Variants in MAEL observed in about 807,000 individuals in gnomAD.
The protein encoded by MAEL is maelstrom spermatogenic transposon silencer.
A neutral mutation model predicts 62.0 loss-of-function variants in MAEL; 46 were observed. The ratio of observed to expected loss-of-function variants is 0.74; its 90% CI spans 0.59 to 0.95. MAEL has a LOEUF of 0.95. MAEL is among the 40% of genes least tolerant of loss of function. The probability of loss-of-function intolerance (pLI) is 0.00; values close to 1 mark genes in which losing one functional copy is unlikely to be tolerated. For synonymous variants in MAEL, 172 were observed against 175.5 expected (o/e 0.98, Z 0.16); for missense variants, 497 against 526.8 (o/e 0.94, Z 0.55).
Position 167,021,674 on chromosome 1 carries a change from A to C in MAEL, c.1124A>C (p.Tyr375Ser), listed in dbSNP as rs769282848. Residue 375 changes from tyrosine (Y) to serine (S), a missense_variant, in exon 12 of 12, where the codon TAC becomes TCC. Coordinates refer to ENST00000367872, the MANE Select transcript of MAEL (RefSeq NM_032858.3). ...TGTATTTTCAATATCCTAGGTGACT[A>C]CCCATCTAGGGCAAAAATTTCTGGC... Reference protein sequence around the residue: ...EQRSNTPIGDYPSRAKISGQN... With the variant: ...EQRSNTPIGDSPSRAKISGQN... 6.3e-7 allele frequency: 1 copy of C among 1,598,754 alleles called. No homozygotes were observed. The highest frequency in any genetic ancestry group is 1.3e-5 in the African/African-American group (1 of 74,090).
At chr1:166,995,827 A>C (rs1358860113) in intron 5 of MAEL, among the ~76,000 whole-genome samples, 2 of 152,202 alleles carry the variant, frequency 1.3e-5, no homozygotes, top group Non-Finnish European at 2.9e-5. Flanking sequence ...TCACTGGCTT[A>C]CTGTTCCTTT....
intron 6 of MAEL, 75 bp from the exon 7 acceptor site, chr1:167,005,001 C>G: frequency 7.1e-7 from 1 of 1,407,632 alleles, no homozygotes; most frequent in East Asian, 2.4e-5. Flanking sequence ...GAAAGGACAG[C>G]ATTAGAAGTC....
Position 166,989,296 on chromosome 1 carries a change from C to G in MAEL, c.-57C>G. On this transcript the variant is annotated 5_prime_UTR_variant, in exon 1 of 12. Coordinates refer to ENST00000367872, the MANE Select transcript of MAEL (RefSeq NM_032858.3). Reference sequence around the variant, plus strand: ...ACCTCTGTTACTTAGGGCGGGAGCCCGGCGAGGGCGCCGGTGCTTTGTTCT... The same window carrying G: ...ACCTCTGTTACTTAGGGCGGGAGCCGGGCGAGGGCGCCGGTGCTTTGTTCT... The G allele has an allele frequency of 4.5e-6, 7 of 1,564,132 alleles. No homozygotes were observed. The highest frequency in any genetic ancestry group is 2.3e-5 in the East Asian group (1 of 43,036).
chr1:166,998,186 A>G (rs1038411473), intron 5 of MAEL, among the ~76,000 whole-genome samples: 1 of 152,112 alleles, frequency 6.6e-6, no homozygotes, highest in Non-Finnish European at 1.5e-5. Context: ...TCAGTTCTTC[A>G]TGTTTTACAT....
At chr1:166,979,530 A>C (rs1301225789) in intron 1 of MAEL, among the ~76,000 whole-genome samples, 1 of 152,252 alleles carries the variant, frequency 6.6e-6, no homozygotes, top group East Asian at 1.9e-4. Context: ...AATGCTTTAA[A>C]GAAAGGAAAT....
Position 166,992,793 on chromosome 1 carries a change from T to C in MAEL, c.433T>C (p.Ser145Pro). 1 of 1,611,078 alleles carries C rather than the reference T, an allele frequency of 6.2e-7. No homozygotes were observed. Among genetic ancestry groups the C allele is most frequent in the Admixed American group, 1.7e-5 (1 of 59,456 alleles). Residue 145 changes from serine (S) to proline (P), a missense_variant, in exon 4 of 12, where the codon TCT (serine) becomes CCT (proline). Transcript: ENST00000367872. ...TTGTGAAATTGGCTGTGTTAAGTAT[T>C]CTCTCCAAGAAGGTATTATGGCAGA... ...LPCEIGCVKY[S>P]LQEGIMADFH...
chr1:166,986,663 C>T (rs948918984), upstream of MAEL, among the ~76,000 whole-genome samples: 4 of 151,806 alleles, frequency 2.6e-5, no homozygotes, highest in Non-Finnish European at 5.9e-5. Flanking sequence ...CCAGCTCACG[C>T]AGAGAAGGGA....
chr1:166,980,029 C>CTTTT (rs1330346545), intron 1 of MAEL, among the ~76,000 whole-genome samples: 2 of 151,916 alleles, frequency 1.3e-5, no homozygotes, highest in African/African-American at 2.4e-5. Flanking sequence ...TTCTTTCTTT[C>CTTTT]TTTTAGAGAC....
At chr1:166,991,322 T>G (rs1009586700) in intron 2 of MAEL, 56 bp from the exon 3 acceptor site, 1 of 1,073,112 alleles carries the variant, frequency 9.3e-7, no homozygotes. Context: ...TTTTAATGTA[T>G]GGTCTAAAAG....
At chr1:166,989,880 C>A in intron 2 of MAEL, 51 bp downstream of exon 2, 4 of 1,432,380 alleles carry the variant, frequency 2.8e-6, no homozygotes, top group African/African-American at 1.4e-5. Flanking sequence ...TAGGCATATT[C>A]AGTAAAGGCT....
Position 167,022,024 on chromosome 1 carries a change from T to C in MAEL, c.*169T>C. ...AAAAAATTGTGGTTGGAGAGCATCT[T>C]GGCATTTGTGCTTTTTTTCTTGAGG... On this transcript the variant is annotated 3_prime_UTR_variant, in exon 12 of 12. Transcript: ENST00000367872. 1 of 547,898 alleles carries C rather than the reference T, an allele frequency of 1.8e-6. No homozygotes were observed. Among genetic ancestry groups the C allele is most frequent in the Non-Finnish European group, 3.1e-6 (1 of 318,474 alleles). 33.9% of individuals were successfully genotyped at this position (547,898 alleles called of 1,614,324 possible). A position where few individuals can be genotyped will look rare whatever the true frequency, so the allele number is the denominator to read the frequency against.
chr1:167,006,205 T>C (rs1335011058), intron 8 of MAEL: 1 of 152,164 alleles, frequency 6.6e-6, no homozygotes, highest in African/African-American at 2.4e-5. Flanking sequence ...ACCATATTCA[T>C]ATTGTATTAG....
At chr1:166,988,467 C>T (rs769524390), upstream of MAEL, among the ~76,000 whole-genome samples, 3 of 151,308 alleles carry the variant, frequency 2.0e-5, no homozygotes, top group Non-Finnish European at 4.4e-5. Context: ...ATACATACCC[C>T]ATATATACAT....
At chr1:166,994,666 ATTTTTTT>A (rs35009494) in intron 5 of MAEL, among the ~76,000 whole-genome samples, 1 of 119,610 alleles carries the variant, frequency 8.4e-6, no homozygotes, top group Non-Finnish European at 1.7e-5. Context: ...CTGTAAGGTA[ATTTTTTT>A]TTTTTTTTTT....
chr1:166,990,538 G>C (rs1255770962), intron 2 of MAEL: 1 of 152,004 alleles, frequency 6.6e-6, no homozygotes, highest in African/African-American at 2.4e-5. Context: ...AGACGCCCGT[G>C]GTCCCAGCTA....
rs377578248 is a variant in MAEL at position 167,005,345 on chromosome 1, T to C, written c.793T>C (p.Trp265Arg). Residue 265 changes from tryptophan (W) to arginine (R), a missense_variant, in exon 8 of 12, where the codon TGG (tryptophan) becomes CGG (arginine). By Grantham distance (101) the Trp-to-Arg change is moderately radical (BLOSUM62 -3). Coordinates refer to ENST00000367872, the MANE Select transcript of MAEL (RefSeq NM_032858.3). ...ATTTCTCAAGGAGCCCTCTAAGACT[T>C]GGATTCGAAGCCTCCTAGATGTGGC... is the stretch of plus-strand genomic sequence containing the variant. The part of the protein sequence containing the change: ...QKFLKEPSKT[W>R]IRSLLDVAMW... The C allele has an allele frequency of 1.4e-5, 22 of 1,613,572 alleles. No individual in the cohort carries two copies. The African/African-American group carries it at 2.9e-4, about 22-fold the overall frequency.
Position 167,005,314 on chromosome 1 carries a change from A to G in MAEL, c.762A>G (p.Gln254=). The G allele has an allele frequency of 1.2e-6, 2 of 1,613,682 alleles. No homozygotes were observed. The highest frequency in any genetic ancestry group is 1.7e-6 in the Non-Finnish European group (2 of 1,179,756). ...TVEDLVVGIY[Q]QKFLKEPSKT... is the part of the protein sequence containing the mutation. ...AGGACCTTGTAGTGGGGATCTACCAACAAAAATTTCTCAAGGAGCCCTCTA... is the reference window on the plus strand; with the variant it reads ...AGGACCTTGTAGTGGGGATCTACCAGCAAAAATTTCTCAAGGAGCCCTCTA... The change falls in exon 8 of 12, where the codon CAA becomes CAG. Residue 254 remains glutamine (Q), a synonymous_variant. Transcript: ENST00000367872.
rs751086693 is a variant in MAEL at position 166,989,303 on chromosome 1, G to A, written c.-50G>A. ...TTACTTAGGGCGGGAGCCCGGCGAG[G>A]GCGCCGGTGCTTTGTTCTGTCTGAG... On this transcript the variant is annotated 5_prime_UTR_variant, in exon 1 of 12. Transcript: ENST00000367872. 7 of 1,574,714 alleles carry A rather than the reference G, an allele frequency of 4.4e-6. No homozygotes were observed. In the Admixed American group the frequency reaches 5.5e-5, roughly 12 times the overall value.
Position 167,016,296 on chromosome 1 carries a change from A to C in MAEL, c.908+12A>C, listed in dbSNP as rs1238346181. ...TGCAAGAAGATTGCGTAAGTTGGGG[A>C]AAGGAGTTTCTTCATAATACTGTAT... On this transcript the variant is annotated intron_variant, in intron 9 of 11. Coordinates refer to ENST00000367872, the MANE Select transcript of MAEL (RefSeq NM_032858.3). The C allele has an allele frequency of 6.2e-7, 1 of 1,612,198 alleles. No individual in the cohort carries two copies. The highest frequency in any genetic ancestry group is 1.3e-5 in the African/African-American group (1 of 74,826).
Sources: allele counts gnomAD v4.1 joint callset (sites outside exome capture counted in the v4.1 genomes callset), GRCh38; gene constraint gnomAD v4.1.1; transcripts MANE v1.5; gene names NCBI Gene and HGNC (gene_info 2026-07-23, HGNC 2026-07-21).